The following NEDD4L variants were observed in gnomAD, a reference collection of about 807,000 sequenced individuals.
NEDD4L encodes the protein E3 ubiquitin-protein ligase NEDD4-like.
A neutral mutation model predicts 148.9 loss-of-function variants in NEDD4L; 54 were observed. That is an observed-to-expected ratio of 0.36 (90% CI 0.29 to 0.45). NEDD4L has a LOEUF of 0.45. NEDD4L is among the 20% of genes least tolerant of loss of function. The pLI, the probability that NEDD4L is intolerant of heterozygous loss-of-function variation, is 1.00. For missense variants in NEDD4L, 856 were observed against 1,233.8 expected (o/e 0.69, Z 4.59); for synonymous variants, 433 against 440.7 (o/e 0.98, Z 0.22).
chr18:58,320,043 C>A (rs548990), intron 6 of NEDD4L, among the ~76,000 whole-genome samples: 1 of 152,148 alleles, frequency 6.6e-6, no homozygotes, highest in Non-Finnish European at 1.5e-5. Context: ...GGATGCAAAC[C>A]TAGGAGATCT....
At chr18:58,153,226 A>G (rs1053261699) in intron 1 of NEDD4L, among the ~76,000 whole-genome samples, 31 of 106,542 alleles carry the variant, frequency 2.9e-4, no homozygotes, top group African/African-American at 1.3e-3. Context: ...TGGAAACAGA[A>G]CACACAGTTG....
intron 24 of NEDD4L, among the ~76,000 whole-genome samples, chr18:58,376,871 A>T (rs2047630930): frequency 6.6e-6 from 1 of 152,082 alleles, no homozygotes; most frequent in Admixed American, 6.5e-5. Flanking sequence ...CTTGTCCAAC[A>T]CAAGCCCCTT....
chr18:58,173,883 T>G (rs1237895851), intron 2 of NEDD4L, among the ~76,000 whole-genome samples: 1 of 152,216 alleles, frequency 6.6e-6, no homozygotes, highest in Non-Finnish European at 1.5e-5. Context: ...CAATTGAGAA[T>G]TCTGTATTGC....
intron 2 of NEDD4L, among the ~76,000 whole-genome samples, chr18:58,169,435 G>A (rs746221426): frequency 4.6e-5 from 7 of 151,964 alleles, no homozygotes; most frequent in African/African-American, 9.7e-5. Context: ...TGGGACGTCC[G>A]GACATAAGAT....
chr18:58,338,032 A>G (rs1484862270), intron 13 of NEDD4L, among the ~76,000 whole-genome samples: 2 of 152,246 alleles, frequency 1.3e-5, no homozygotes, highest in African/African-American at 2.4e-5. Context: ...AAGTCTTGGC[A>G]AATCTGTGAT....
At chr18:58,120,567 C>A (rs2086171742) in intron 1 of NEDD4L, among the ~76,000 whole-genome samples, 1 of 152,148 alleles carries the variant, frequency 6.6e-6, no homozygotes, top group African/African-American at 2.4e-5. Flanking sequence ...ATCACGAGGT[C>A]AGGAGATCGA....
chr18:58,274,692 C>A (rs1236809832), intron 5 of NEDD4L, among the ~76,000 whole-genome samples: 1 of 152,176 alleles, frequency 6.6e-6, no homozygotes, highest in African/African-American at 2.4e-5. Flanking sequence ...TCTTTTGAAT[C>A]TGATTTAATA....
At chr18:58,314,853 C>T (rs776300886) in intron 5 of NEDD4L, among the ~76,000 whole-genome samples, 1 of 152,160 alleles carries the variant, frequency 6.6e-6, no homozygotes. Context: ...AATTCCTACG[C>T]TTGGAGCAAG....
intron 1 of NEDD4L, among the ~76,000 whole-genome samples, chr18:58,100,748 A>G (rs1482703825): frequency 6.6e-6 from 1 of 152,230 alleles, no homozygotes; most frequent in Non-Finnish European, 1.5e-5. Context: ...GGAAATGGAT[A>G]TTGGAGTGGG....
At chr18:58,329,273 A>G in intron 10 of NEDD4L, 146 bp downstream of exon 10, 1 of 967,694 alleles carries the variant, frequency 1.0e-6, no homozygotes, top group Non-Finnish European at 1.5e-6. Flanking sequence ...TTACCATCTG[A>G]ATATTAATTT....
At chr18:58,273,443 A>AAATT (rs2051377102) in intron 5 of NEDD4L, among the ~76,000 whole-genome samples, 2 of 152,198 alleles carry the variant, frequency 1.3e-5, no homozygotes, top group Non-Finnish European at 2.9e-5. Context: ...ATAGGAGGCC[A>AAATT]CTTTTGTTTT....
intron 1 of NEDD4L, among the ~76,000 whole-genome samples, chr18:58,117,032 G>A (rs557036): frequency 0.34 from 51,712 of 152,108 alleles, 9,272 homozygotes; most frequent in East Asian, 0.54. Flanking sequence ...GTAAGAAAGC[G>A]GCAGCTCTTA....
chr18:58,250,706 C>A (rs1235155955), intron 4 of NEDD4L, among the ~76,000 whole-genome samples: 1 of 152,152 alleles, frequency 6.6e-6, no homozygotes, highest in South Asian at 2.1e-4. Flanking sequence ...CTCTGCTTTA[C>A]CATTTAGAGC....
chr18:58,383,875 C>G (rs896883733), intron 25 of NEDD4L, among the ~76,000 whole-genome samples: 7 of 152,316 alleles, frequency 4.6e-5, no homozygotes, highest in South Asian at 2.1e-4. Context: ...TTAAGTGATT[C>G]TAAGACATTT....
At chr18:58,180,539 C>A (rs1203614444) in intron 2 of NEDD4L, among the ~76,000 whole-genome samples, 2 of 152,204 alleles carry the variant, frequency 1.3e-5, no homozygotes, top group Non-Finnish European at 2.9e-5. Flanking sequence ...TTCTTCTGCC[C>A]CTCCTTGGCT....
chr18:58,331,189 C>G (rs1160551189), intron 11 of NEDD4L, among the ~76,000 whole-genome samples: 1 of 152,198 alleles, frequency 6.6e-6, no homozygotes, highest in African/African-American at 2.4e-5. Context: ...AGTAAAACTC[C>G]ATGATGTCTG....
chr18:58,311,469 G>C (rs2057691251), intron 5 of NEDD4L, among the ~76,000 whole-genome samples: 1 of 152,134 alleles, frequency 6.6e-6, no homozygotes. Context: ...TCCCAGCTGG[G>C]GGTCTTTAGG....
At chr18:58,320,918 C>G (rs994039938) in intron 6 of NEDD4L, among the ~76,000 whole-genome samples, 1 of 152,136 alleles carries the variant, frequency 6.6e-6, no homozygotes, top group East Asian at 1.9e-4. Context: ...TATTTACAAA[C>G]CTTTTGGTAG....
In NEDD4L at chr18:58,044,534, C is replaced by T. The variant is rs898037037; in HGVS notation, c.-127C>T. ...TCACCTGCCGGCGCCCGGCCGCTTA[C>T]CCGGCAGGGCGTGCGCAGGGTAGGG... On this transcript the variant is annotated 5_prime_UTR_variant, in exon 1 of 31. Coordinates refer to ENST00000400345, the MANE Select transcript of NEDD4L (RefSeq NM_001144967.3). 10 of 1,237,424 alleles carry T rather than the reference C, an allele frequency of 8.1e-6. 1 individual carries two copies. In the African/African-American group the frequency reaches 1.1e-4, roughly 14 times the overall value. The allele number at this position is 1,237,424 out of a possible 1,614,324, so 76.7% of individuals were successfully genotyped here.
Sources: gnomAD v4.1 joint callset for allele counts (sites outside exome capture counted in the v4.1 genomes callset) on GRCh38, gnomAD v4.1.1 for gene constraint, MANE v1.5 for transcripts, NCBI Gene and HGNC (gene_info 2026-07-23, HGNC 2026-07-21) for gene names.